BIK: variants seen among roughly 807,000 people sequenced by gnomAD.
BIK encodes BCL2 interacting killer, also known as bcl-2-interacting killer.
BIK carries 14 observed loss-of-function variants against 12.1 expected under a neutral mutation model. The observed-to-expected ratio is 1.16, with a 90% CI of 0.77 to 1.81. BIK has a LOEUF of 1.81. Among genes scored for constraint, BIK ranks in the 40% most tolerant of loss-of-function variants. BIK has a pLI of 0.00. For synonymous variants in BIK, 86 were observed against 92.3 expected (o/e 0.93, Z 0.39); for missense variants, 215 against 207.9 (o/e 1.03, Z -0.21).
At chr22:43,125,105 G>A (rs531724426) in intron 2 of BIK, among the ~76,000 whole-genome samples, 21 of 152,216 alleles carry the variant, frequency 1.4e-4, no homozygotes, top group African/African-American at 5.1e-4. Context: ...GTAAACTGTC[G>A]TGGCACTGGT....
chr22:43,126,022 A>T, intron 2 of BIK, among the ~76,000 whole-genome samples: 1 of 140,738 alleles, frequency 7.1e-6, no homozygotes, highest in Non-Finnish European at 1.6e-5. Context: ...GGCAGGAAGG[A>T]CCTGCACTTT....
At chr22:43,119,722 C>G (rs1336155439) in intron 1 of BIK, among the ~76,000 whole-genome samples, 3 of 152,140 alleles carry the variant, frequency 2.0e-5, no homozygotes, top group Non-Finnish European at 2.9e-5. Flanking sequence ...CATACCCATC[C>G]TCTCAGTACT....
intron 1 of BIK, among the ~76,000 whole-genome samples, chr22:43,112,687 G>T (rs1930034798): frequency 6.6e-6 from 1 of 151,712 alleles, no homozygotes; most frequent in South Asian, 2.1e-4. Context: ...TTGAGCTCAG[G>T]AGACTAGACT....
chr22:43,118,543 T>A (rs1010419198), intron 1 of BIK, among the ~76,000 whole-genome samples: 2 of 152,176 alleles, frequency 1.3e-5, no homozygotes, highest in African/African-American at 4.8e-5. Context: ...TGGGTTACAC[T>A]GGAGTTGTGT....
chr22:43,120,941 T>C (rs1190023164), intron 1 of BIK, among the ~76,000 whole-genome samples: 1 of 152,174 alleles, frequency 6.6e-6, no homozygotes, highest in Non-Finnish European at 1.5e-5. Flanking sequence ...TTTGGGAGGC[T>C]GAGGCGGGTG....
At chr22:43,125,731 GAGAAAGAGAAAAGAA>G (rs141558266) in intron 2 of BIK, among the ~76,000 whole-genome samples, 2,558 of 152,016 alleles carry the variant, frequency 0.017, 78 homozygotes, top group African/African-American at 0.059. Flanking sequence ...CACAAAAAAA[GAGAAAGAGAAAAGAA>G]AGAAAGAAAA....
At position 43,128,500 on chromosome 22, in the gene BIK, G is replaced by C. The variant is rs2147026663; in HGVS notation, c.265G>C (p.Gly89Arg). Residue 89 changes from glycine (G) to arginine (R), a missense_variant, in exon 4 of 5, where the codon GGT (glycine) becomes CGT (arginine). Physicochemically the swap from Gly to Arg is moderately radical, Grantham distance 125 (BLOSUM62 -2). Coordinates refer to ENST00000216115, the MANE Select transcript of BIK (RefSeq NM_001197.5). ...CCCCATCCTCTTTGTCTATAGCCTG[G>C]GTCTGGCTTTCATCTACGACCAGAC... is the stretch of plus-strand genomic sequence containing the variant. ...QLSEVAMHSL[G>R]LAFIYDQTED... is the part of the protein sequence containing the mutation. 1.9e-6 allele frequency: 3 copies of C among 1,613,652 alleles called. No homozygotes were observed. The highest frequency in any genetic ancestry group is 2.5e-6 in the Non-Finnish European group (3 of 1,179,628).
At chr22:43,120,525 A>G (rs2147021676) in intron 1 of BIK, among the ~76,000 whole-genome samples, 1 of 152,324 alleles carries the variant, frequency 6.6e-6, no homozygotes, top group East Asian at 1.9e-4. Context: ...TGACAGGGTC[A>G]GGGTTGAGGC....
intron 2 of BIK, among the ~76,000 whole-genome samples, chr22:43,126,384 A>G (rs968414538): frequency 5.3e-5 from 8 of 151,924 alleles, no homozygotes; most frequent in African/African-American, 1.9e-4. Context: ...ACAGGGTTTC[A>G]TCATGTTAGC....
At position 43,111,053 on chromosome 22, in the gene BIK, C is replaced by T. The variant is rs574667339; in HGVS notation, c.-8+250C>T. ...GCGCGGCCCCTGCGGGCCTCAGTCT[C>T]CGCGCCTGTGCAATGGGGTGGTCCC... is the stretch of plus-strand genomic sequence containing the variant. On this transcript the variant is annotated intron_variant, in intron 1 of 4. Coordinates refer to ENST00000216115, the MANE Select transcript of BIK (RefSeq NM_001197.5). 2.9e-4 allele frequency among the ~76,000 whole-genome samples: 44 copies of T among 152,120 alleles called. 1 individual carries two copies. The South Asian group carries it at 5.0e-3, about 17-fold the overall frequency.
In BIK at chr22:43,128,563, G is replaced by A. The variant is rs146680684; in HGVS notation, c.328G>A (p.Gly110Ser). The change falls in exon 4 of 5, where the codon GGT becomes AGT. Residue 110 changes from glycine (G) to serine (S), a missense_variant. By Grantham distance (56) the Gly-to-Ser change is moderately conservative. Coordinates refer to ENST00000216115, the MANE Select transcript of BIK (RefSeq NM_001197.5). ...GGATGTTCTTAGAAGTTTCATGGAC[G>A]GTTTCACCACACTTAAGGAGAACAT... ...IRDVLRSFMD[G>S]FTTLKENIMR... 32 of 1,613,856 alleles carry A rather than the reference G, an allele frequency of 2.0e-5. No individual in the cohort carries two copies. The Middle Eastern group carries it at 8.2e-4, about 41-fold the overall frequency.
chr22:43,125,556 G>A (rs114604051), intron 2 of BIK, among the ~76,000 whole-genome samples: 2,351 of 138,152 alleles, frequency 0.017, 69 homozygotes, highest in African/African-American at 0.059. Flanking sequence ...AAATACAAAT[G>A]TTACCCAGGT....
At chr22:43,112,281 C>T (rs1426698964) in intron 1 of BIK, among the ~76,000 whole-genome samples, 1 of 152,188 alleles carries the variant, frequency 6.6e-6, no homozygotes, top group East Asian at 1.9e-4. Context: ...TAACTGCAAC[C>T]TCGGCCTCCT....
chr22:43,128,734 T>A lies in BIK; in HGVS notation c.390+109T>A, dbSNP rs1256569487. The A allele has an allele frequency of 3.5e-6, 5 of 1,436,784 alleles. No homozygotes were observed. The Admixed American group carries it at 1.1e-4, about 32-fold the overall frequency. 89.0% of individuals were successfully genotyped at this position (1,436,784 alleles called of 1,614,324 possible). ...CCACCACTCCGTATCATCATCTGTG[T>A]CACCTGTGTCCACATCTGCCTGATC... On this transcript the variant is annotated intron_variant, in intron 4 of 4. Coordinates refer to ENST00000216115, the MANE Select transcript of BIK (RefSeq NM_001197.5).
chr22:43,129,659 A>C lies in BIK; in HGVS notation c.*354A>C. 1 of 293,384 alleles carries C rather than the reference A, an allele frequency of 3.4e-6. No individual in the cohort carries two copies. Among genetic ancestry groups the C allele is most frequent in the Non-Finnish European group, 6.3e-6 (1 of 157,512 alleles). 18.2% of individuals were successfully genotyped at this position (293,384 alleles called of 1,614,324 possible). On this transcript the variant is annotated 3_prime_UTR_variant, in exon 5 of 5. Coordinates refer to ENST00000216115, the MANE Select transcript of BIK (RefSeq NM_001197.5). The stretch of plus-strand genomic sequence containing the variant: ...ATGTGATGCCCTCGGCAAAGAATCT[A>C]CTGGAATAGATTCCGAGGAGCAGGA...
At position 43,129,283 on chromosome 22, in the gene BIK, GC is replaced by G. The variant is rs1457344780; in HGVS notation, c.463del (p.Leu155CysfsTer45). On this transcript the variant is annotated frameshift_variant, in exon 5 of 5. Coordinates refer to ENST00000216115, the MANE Select transcript of BIK (RefSeq NM_001197.5). LOFTEE classifies it high-confidence loss of function. ...CTGCTGCTGCCGCTGCTCAGCGGGG[GC>G]CTGCACCTGCTGCTCAAGTGAGGCC... ...LALLLPLLSG[G>X]LHLLLK 1 of 1,600,044 alleles carries G rather than the reference GC, an allele frequency of 6.2e-7. No homozygotes were observed. The highest frequency in any genetic ancestry group is 1.3e-5 in the African/African-American group (1 of 74,840).
At chr22:43,113,737 G>A (rs905759991) in intron 1 of BIK, among the ~76,000 whole-genome samples, 1 of 152,168 alleles carries the variant, frequency 6.6e-6, no homozygotes, top group African/African-American at 2.4e-5. Flanking sequence ...CCTCTCCCTG[G>A]AAAGCATCCT....
chr22:43,126,027 C>A (rs934453146), intron 2 of BIK, among the ~76,000 whole-genome samples: 1 of 141,142 alleles, frequency 7.1e-6, no homozygotes, highest in African/African-American at 2.5e-5. Flanking sequence ...GAAGGACCTG[C>A]ACTTTTTTTT....
intron 4 of BIK, 65 bp from the exon 5 acceptor site, chr22:43,129,148 G>C: frequency 6.3e-7 from 1 of 1,598,812 alleles, no homozygotes; most frequent in Non-Finnish European, 8.5e-7. Context: ...GCACTCCGCT[G>C]TCACCCGTCT....
Sources: gnomAD v4.1 joint callset for allele counts (sites outside exome capture counted in the v4.1 genomes callset) on GRCh38, gnomAD v4.1.1 for gene constraint, MANE v1.5 for transcripts, NCBI Gene and HGNC (gene_info 2026-07-23, HGNC 2026-07-21) for gene names.